The following OPRPN variants were observed in gnomAD, a reference collection of about 807,000 sequenced individuals.
The protein encoded by OPRPN is basic proline-rich lacrimal protein.
Under a neutral mutation model 2.2 loss-of-function variants are expected in OPRPN, and 1 was observed. The observed-to-expected ratio is 0.45, with a 90% CI of 0.16 to 2.15. OPRPN has a LOEUF of 2.15. Ranked by LOEUF, OPRPN falls within the 30% of genes most tolerant of loss-of-function variation. OPRPN has a pLI of 0.28. For missense variants in OPRPN, 306 were observed against 297.3 expected (o/e 1.03, Z -0.21); for synonymous variants, 126 against 111.5 (o/e 1.13, Z -0.82).
chr4:70,404,674 G>A (rs1733048631), intron 2 of OPRPN, among the ~76,000 whole-genome samples: 1 of 152,074 alleles, frequency 6.6e-6, no homozygotes. Flanking sequence ...AGTAAATATT[G>A]CCATATCATT....
intron 2 of OPRPN, among the ~76,000 whole-genome samples, chr4:70,405,906 A>G (rs1443927335): frequency 2.8e-5 from 4 of 140,930 alleles, no homozygotes; most frequent in African/African-American, 5.2e-5. Context: ...TCCACAAAAA[A>G]TACAAAAAAA....
intron 2 of OPRPN, among the ~76,000 whole-genome samples, chr4:70,403,420 A>T (rs1733021842): frequency 6.6e-6 from 1 of 152,210 alleles, no homozygotes; most frequent in South Asian, 2.1e-4. Context: ...CCACAGCCTT[A>T]GTTTGCTAAC....
intron 2 of OPRPN, 147 bp downstream of exon 2, chr4:70,399,483 T>A: frequency 1.5e-6 from 1 of 649,460 alleles, no homozygotes; most frequent in Non-Finnish European, 2.6e-6. Context: ...ACTTTCCTTT[T>A]CCTTTCTCAT....
At position 70,409,731 on chromosome 4, in the gene OPRPN, C is replaced by T. The variant is rs1303299960; in HGVS notation, c.403C>T (p.Leu135Phe). The change falls in exon 3 of 3, where the codon CTT becomes TTT. Residue 135 changes from leucine (L) to phenylalanine (F), a missense_variant. By Grantham distance (22) the Leu-to-Phe change is conservative. Coordinates refer to ENST00000399575, the MANE Select transcript of OPRPN (RefSeq NM_021225.5). ...TATTCCTTTTTTTCTTGCTATTTAC[C>T]TTCCTATCTCTAACCCTGAGCCCCA... is the stretch of plus-strand genomic sequence containing the variant. ...PPIPFFLAIY[L>F]PISNPEPQIN... 1.9e-6 allele frequency: 3 copies of T among 1,613,128 alleles called. No homozygotes were observed. The East Asian group carries it at 6.7e-5, about 36-fold the overall frequency.
intron 2 of OPRPN, among the ~76,000 whole-genome samples, chr4:70,405,661 AACTT>A (rs1560533645): frequency 6.6e-6 from 1 of 152,220 alleles, no homozygotes; most frequent in Non-Finnish European, 1.5e-5. Flanking sequence ...AAAGGATTAA[AACTT>A]AATTAATTTT....
At position 70,410,125 on chromosome 4, in the gene OPRPN, T is replaced by C. The variant is rs765642250; in HGVS notation, c.*50T>C. ...AACTGCTCTGATATCTTAGAAGAAA[T>C]AAACTGCAATGATTTTGATGGAACC... On this transcript the variant is annotated 3_prime_UTR_variant, in exon 3 of 3. Coordinates refer to ENST00000399575, the MANE Select transcript of OPRPN (RefSeq NM_021225.5). The C allele has an allele frequency of 1.4e-6, 2 of 1,384,442 alleles. No homozygotes were observed. Among genetic ancestry groups the C allele is most frequent in the Admixed American group, 2.3e-5 (1 of 42,840 alleles). 85.8% of individuals were successfully genotyped at this position (1,384,442 alleles called of 1,614,324 possible). A position where few individuals can be genotyped will look rare whatever the true frequency, so the allele number is the denominator to read the frequency against.
chr4:70,406,169 TATA>T (rs1371289082), intron 2 of OPRPN, among the ~76,000 whole-genome samples: 2 of 152,138 alleles, frequency 1.3e-5, no homozygotes. Flanking sequence ...TACTACACTA[TATA>T]ATAAGTGACT....
At position 70,409,864 on chromosome 4, in the gene OPRPN, C is replaced by T. The variant is rs1042068155; in HGVS notation, c.536C>T (p.Thr179Ile). 2 of 1,613,476 alleles carry T rather than the reference C, an allele frequency of 1.2e-6. No individual in the cohort carries two copies. Among genetic ancestry groups the T allele is most frequent in the Admixed American group, 1.7e-5 (1 of 59,958 alleles). The change falls in exon 3 of 3, where the codon ACA becomes ATA. Residue 179 changes from threonine to isoleucine, a missense_variant. Thr to Ile is a moderately conservative substitution (Grantham distance 89). Transcript: ENST00000399575. Reference sequence around the variant, plus strand: ...CCCACAATGACGATCAGCTCCTCAACAGTACCTATCTCTTCAACACCAGAG... The same window carrying T: ...CCCACAATGACGATCAGCTCCTCAATAGTACCTATCTCTTCAACACCAGAG... ...TKPTMTISSSTVPISSTPEPA... is the reference protein window; with the variant it reads ...TKPTMTISSSIVPISSTPEPA...
rs1342737662 is a variant in OPRPN at position 70,409,364 on chromosome 4, G to GT, written c.52-11dup. 3.8e-6 allele frequency: 6 copies of GT among 1,559,406 alleles called. No homozygotes were observed. Among genetic ancestry groups the GT allele is most frequent in the Non-Finnish European group, 8.6e-7 (1 of 1,157,624 alleles). ...TTTAGAAATTTTGTTTTTTACCTTT[G>GT]TTTTTATCTCCACAGCCCAGTGAGA... On this transcript the variant is annotated splice_polypyrimidine_tract_variant and intron_variant, in intron 2 of 2. Coordinates refer to ENST00000399575, the MANE Select transcript of OPRPN (RefSeq NM_021225.5).
intron 2 of OPRPN, among the ~76,000 whole-genome samples, chr4:70,402,078 A>G (rs1732993401): frequency 6.6e-6 from 1 of 152,178 alleles, no homozygotes; most frequent in Non-Finnish European, 1.5e-5. Context: ...CAAAACCTTT[A>G]GCCTGAACTA....
intron 2 of OPRPN, among the ~76,000 whole-genome samples, chr4:70,406,514 A>G (rs1400602918): frequency 6.6e-6 from 1 of 152,238 alleles, no homozygotes; most frequent in Non-Finnish European, 1.5e-5. Flanking sequence ...TCTTTTAATT[A>G]TCATATCAAA....
rs111738100 is a variant in OPRPN, at chr4:70,408,090, C to T, written c.52-1290C>T. 1.7e-4 allele frequency among the ~76,000 whole-genome samples: 26 copies of T among 152,244 alleles called. 3 individuals carry two copies. The highest frequency in any genetic ancestry group is 6.3e-4 in the African/African-American group (26 of 41,548). ...ACACTATAGTTCTCTAGTGTTGCTA[C>T]CATTAGAGATTGTGGCATTCTCCAG... On this transcript the variant is annotated intron_variant, in intron 2 of 2. Coordinates refer to ENST00000399575, the MANE Select transcript of OPRPN (RefSeq NM_021225.5).
intron 1 of OPRPN, 105 bp downstream of exon 1, chr4:70,398,145 C>T (rs1254538251): frequency 3.3e-5 from 5 of 151,360 alleles, no homozygotes; most frequent in African/African-American, 7.3e-5. Context: ...GAAATAGCCT[C>T]GTTACCCAAA....
At chr4:70,407,200 T>C (rs1405751211) in intron 2 of OPRPN, among the ~76,000 whole-genome samples, 2 of 152,232 alleles carry the variant, frequency 1.3e-5, no homozygotes, top group Admixed American at 6.5e-5. Context: ...TATCTCAATA[T>C]TTCCTATTTC....
intron 2 of OPRPN, among the ~76,000 whole-genome samples, chr4:70,405,311 A>C (rs528709019): frequency 2.3e-4 from 35 of 152,278 alleles, no homozygotes; most frequent in African/African-American, 8.2e-4. Flanking sequence ...AAAAGATAAA[A>C]ATAATAAGAA....
chr4:70,402,725 T>C (rs1733009343), intron 2 of OPRPN, among the ~76,000 whole-genome samples: 1 of 151,918 alleles, frequency 6.6e-6, no homozygotes, highest in African/African-American at 2.4e-5. Context: ...GGTAGCCCAG[T>C]GGAAAATGGC....
In OPRPN at chr4:70,409,388, G is replaced by T; in HGVS notation, c.60G>T (p.Glu20Asp). ...LALISCFTPS[E>D]SQRFSRRPYL... ...TGTTTTTATCTCCACAGCCCAGTGA[G>T]AGTCAAAGATTCTCCAGAAGACCAT... The change falls in exon 3 of 3, where the codon GAG (glutamate) becomes GAT (aspartate). Residue 20 changes from glutamate (E) to aspartate (D), a missense_variant. Transcript: ENST00000399575. 6.2e-7 allele frequency: 1 copy of T among 1,605,532 alleles called. No homozygotes were observed. Among genetic ancestry groups the T allele is most frequent in the East Asian group, 2.2e-5 (1 of 44,770 alleles).
At chr4:70,408,231 T>C (rs776929503) in intron 2 of OPRPN, among the ~76,000 whole-genome samples, 16 of 152,328 alleles carry the variant, frequency 1.1e-4, no homozygotes, top group South Asian at 4.1e-4. Context: ...TTGAATGTTG[T>C]AGGGGAATGA....
chr4:70,406,043 G>A (rs1733083907), intron 2 of OPRPN, among the ~76,000 whole-genome samples: 1 of 151,500 alleles, frequency 6.6e-6, no homozygotes, highest in Non-Finnish European at 1.5e-5. Flanking sequence ...ACGCCAGCCT[G>A]GGTAGCAGAG....
Sources: allele counts gnomAD v4.1 joint callset (sites outside exome capture counted in the v4.1 genomes callset), GRCh38; gene constraint gnomAD v4.1.1; transcripts MANE v1.5; gene names NCBI Gene and HGNC (gene_info 2026-07-23, HGNC 2026-07-21).